The following BMPR2 variants were observed in gnomAD, a reference collection of about 807,000 sequenced individuals.
BMPR2 encodes bone morphogenetic protein receptor type-2.
In BMPR2, 29 loss-of-function variants were observed where a neutral mutation model predicts 100.8. That is an observed-to-expected ratio of 0.29 (90% CI 0.21 to 0.39). The LOEUF is 0.39. Among genes scored for constraint, BMPR2 ranks in the 10% least tolerant of loss-of-function variants. The pLI is 1.00. For synonymous variants in BMPR2, 382 were observed against 442.3 expected (o/e 0.86, Z 1.71); for missense variants, 1,011 against 1,274.5 (o/e 0.79, Z 3.15).
intron 1 of BMPR2, among the ~76,000 whole-genome samples, chr2:202,429,082 T>G (rs1691450469): frequency 6.6e-6 from 1 of 152,188 alleles, no homozygotes; most frequent in Admixed American, 6.5e-5. Context: ...ATCTATTCCT[T>G]TCTTGTTTTC....
chr2:202,388,377 A>G (rs541828105), intron 1 of BMPR2, among the ~76,000 whole-genome samples: 3 of 134,338 alleles, frequency 2.2e-5, no homozygotes, highest in Non-Finnish European at 3.1e-5. Context: ...AGCCTGGGTG[A>G]CAGAGCGAGA....
chr2:202,386,484 G>A (rs1690428859), intron 1 of BMPR2, among the ~76,000 whole-genome samples: 1 of 151,978 alleles, frequency 6.6e-6, no homozygotes, highest in Non-Finnish European at 1.5e-5. Context: ...CAATCTGATA[G>A]CAAAAACTCT....
At chr2:202,447,871 A>G (rs1574454317) in intron 1 of BMPR2, among the ~76,000 whole-genome samples, 2 of 150,664 alleles carry the variant, frequency 1.3e-5, no homozygotes, top group Middle Eastern at 3.4e-3. Flanking sequence ...AAAATTATGT[A>G]GGTTAAGAAT....
chr2:202,424,975 C>T (rs2105926948), intron 1 of BMPR2, among the ~76,000 whole-genome samples: 1 of 150,720 alleles, frequency 6.6e-6, no homozygotes, highest in South Asian at 2.1e-4. Flanking sequence ...TTTTTTTCCC[C>T]AGAGATGGAG....
At chr2:202,504,229 C>G (rs1021401662) in intron 3 of BMPR2, among the ~76,000 whole-genome samples, 1 of 152,112 alleles carries the variant, frequency 6.6e-6, no homozygotes, top group African/African-American at 2.4e-5. Context: ...CCCTTCCACA[C>G]TGTGGAAGCT....
intron 1 of BMPR2, among the ~76,000 whole-genome samples, chr2:202,431,480 T>G (rs916415396): frequency 6.6e-6 from 1 of 150,732 alleles, no homozygotes; most frequent in Non-Finnish European, 1.5e-5. Context: ...TAAATGCATT[T>G]TAAAATTGAA....
At chr2:202,534,232 T>C (rs534961880) in intron 9 of BMPR2, among the ~76,000 whole-genome samples, 1 of 148,892 alleles carries the variant, frequency 6.7e-6, no homozygotes, top group Admixed American at 6.7e-5. Flanking sequence ...TATATATATA[T>C]ATAAATAAAA....
intron 10 of BMPR2, among the ~76,000 whole-genome samples, chr2:202,543,874 CTA>C (rs1315175170): frequency 6.6e-6 from 1 of 152,172 alleles, no homozygotes; most frequent in African/African-American, 2.4e-5. Context: ...ACATTAGTTA[CTA>C]AAATCTCCCC....
intron 1 of BMPR2, among the ~76,000 whole-genome samples, chr2:202,399,887 G>A (rs565643265): frequency 1.3e-5 from 2 of 152,322 alleles, no homozygotes; most frequent in East Asian, 3.9e-4. Context: ...CGAGGCAGGA[G>A]GATTACTTGA....
At chr2:202,430,286 C>T in intron 1 of BMPR2, among the ~76,000 whole-genome samples, 1 of 152,130 alleles carries the variant, frequency 6.6e-6, no homozygotes, top group Non-Finnish European at 1.5e-5. Context: ...GAACACAGTT[C>T]AGTTGTAGCA....
At chr2:202,498,485 A>C (rs545472415) in intron 3 of BMPR2, among the ~76,000 whole-genome samples, 13 of 149,462 alleles carry the variant, frequency 8.7e-5, no homozygotes, top group African/African-American at 3.0e-4. Flanking sequence ...GTCCAGGGAC[A>C]GTTGCATGTT....
At position 202,377,395 on chromosome 2, in the gene BMPR2, C is replaced by A; in HGVS notation, c.-80C>A. ...CAGGATCAGTCCACGGGAGAGAAGA[C>A]GAGCCTCCCGGCTGTTTCTCCGCCG... On this transcript the variant is annotated 5_prime_UTR_variant, in exon 1 of 13. Transcript: ENST00000374580. 1 of 1,383,342 alleles carries A rather than the reference C, an allele frequency of 7.2e-7. No individual in the cohort carries two copies. Among genetic ancestry groups the A allele is most frequent in the Non-Finnish European group, 1.0e-6 (1 of 969,418 alleles). The allele number at this position is 1,383,342 out of a possible 1,614,324, so 85.7% of individuals were successfully genotyped here.
chr2:202,552,682 A>G (rs1197481796), intron 10 of BMPR2, 34 bp from the exon 11 acceptor site: 8 of 1,611,262 alleles, frequency 5.0e-6, no homozygotes, highest in Non-Finnish European at 5.9e-6. Flanking sequence ...TTTTTTTTAA[A>G]GACACATGGT....
intron 3 of BMPR2, among the ~76,000 whole-genome samples, chr2:202,479,533 C>G (rs1188114027): frequency 6.6e-6 from 1 of 152,070 alleles, no homozygotes; most frequent in Non-Finnish European, 1.5e-5. Flanking sequence ...GTTATCTCCC[C>G]TCTGCTCCCA....
chr2:202,509,759 T>C (rs1687587374), intron 3 of BMPR2, among the ~76,000 whole-genome samples: 2 of 152,102 alleles, frequency 1.3e-5, no homozygotes, highest in East Asian at 3.9e-4. Flanking sequence ...TCCACATATT[T>C]AAGAATTAAA....
intron 5 of BMPR2, 120 bp downstream of exon 5, chr2:202,515,099 A>G (rs1687689781): frequency 1.9e-6 from 2 of 1,071,846 alleles, no homozygotes; most frequent in Non-Finnish European, 2.8e-6. Context: ...CTAAATTACA[A>G]TTTTTTGTCA....
At chr2:202,424,651 G>A (rs1221687735) in intron 1 of BMPR2, among the ~76,000 whole-genome samples, 1 of 151,674 alleles carries the variant, frequency 6.6e-6, no homozygotes. Flanking sequence ...AGCTGAGATC[G>A]CTCCACTGCA....
At chr2:202,399,325 G>A (rs1690714838) in intron 1 of BMPR2, among the ~76,000 whole-genome samples, 1 of 152,128 alleles carries the variant, frequency 6.6e-6, no homozygotes, top group Non-Finnish European at 1.5e-5. Context: ...ATAATTGCAG[G>A]AAAAACATTC....
At chr2:202,408,907 G>T (rs1690954077) in intron 1 of BMPR2, among the ~76,000 whole-genome samples, 1 of 152,140 alleles carries the variant, frequency 6.6e-6, no homozygotes, top group African/African-American at 2.4e-5. Context: ...TGTATTCTAT[G>T]TCTGGACATG....
Sources: allele counts gnomAD v4.1 joint callset (sites outside exome capture counted in the v4.1 genomes callset), GRCh38; gene constraint gnomAD v4.1.1; transcripts MANE v1.5; gene names NCBI Gene and HGNC (gene_info 2026-07-23, HGNC 2026-07-21).